The following ACOXL variants were observed in gnomAD, a reference collection of about 807,000 sequenced individuals.
ACOXL encodes the protein acyl-CoA oxidase like.
In ACOXL, 70 loss-of-function variants were observed where a neutral mutation model predicts 71.9. The observed-to-expected ratio is 0.97, with a 90% CI of 0.80 to 1.19. The LOEUF (loss-of-function observed/expected upper bound fraction) is 1.19, where lower values mean the gene tolerates loss of function less well. ACOXL is among the 50% of genes most tolerant of loss of function. ACOXL has a pLI of 0.00. For missense variants in ACOXL, 703 were observed against 736.3 expected (o/e 0.95, Z 0.52); for synonymous variants, 253 against 281.6 (o/e 0.90, Z 1.02).
chr2:110,918,949 TTGG>T (rs2059964213), intron 11 of ACOXL, among the ~76,000 whole-genome samples: 1 of 152,174 alleles, frequency 6.6e-6, no homozygotes, highest in Non-Finnish European at 1.5e-5. Context: ...TTTTACACTG[TTGG>T]TGGGAGTGTA....
At chr2:110,791,647 C>T (rs913463120) in intron 3 of ACOXL, among the ~76,000 whole-genome samples, 4 of 152,106 alleles carry the variant, frequency 2.6e-5, no homozygotes, top group African/African-American at 9.7e-5. Context: ...TTATGATTCT[C>T]CAAATGAAAA....
chr2:111,099,793 G>A (rs1348075243), intron 17 of ACOXL: 2 of 152,168 alleles, frequency 1.3e-5, no homozygotes, highest in African/African-American at 4.8e-5. Context: ...GCATTAGTGA[G>A]TAGCTATCAG....
intron 10 of ACOXL, among the ~76,000 whole-genome samples, chr2:110,899,956 C>A (rs2059161364): frequency 1.3e-5 from 2 of 152,208 alleles, no homozygotes; most frequent in South Asian, 4.1e-4. Context: ...CCTGTCCACA[C>A]CACTTTCCTA....
At chr2:110,968,354 C>T (rs767766788) in intron 12 of ACOXL, 9 of 1,150,052 alleles carry the variant, frequency 7.8e-6, no homozygotes, top group Non-Finnish European at 1.2e-5. Context: ...TCATCTGTCT[C>T]TCATAGTACC....
intron 1 of ACOXL, among the ~76,000 whole-genome samples, chr2:110,753,446 T>C (rs865846475): frequency 6.6e-6 from 1 of 152,232 alleles, no homozygotes; most frequent in Non-Finnish European, 1.5e-5. Context: ...ATAAGGCTAC[T>C]TGAGTGTCCT....
intron 12 of ACOXL, among the ~76,000 whole-genome samples, chr2:110,980,496 G>T (rs1249399996): frequency 6.6e-6 from 1 of 152,194 alleles, no homozygotes; most frequent in Non-Finnish European, 1.5e-5. Flanking sequence ...CCTGTCTATT[G>T]TGGCACAGCA....
intron 1 of ACOXL, among the ~76,000 whole-genome samples, chr2:110,736,909 T>C (rs55849112): frequency 0.043 from 6,565 of 152,288 alleles, 211 homozygotes; most frequent in African/African-American, 0.074. Context: ...CGTGAGTCAC[T>C]GTGCCTGGCC....
At chr2:111,099,008 C>G (rs963426168) in intron 17 of ACOXL, 2 of 152,172 alleles carry the variant, frequency 1.3e-5, no homozygotes, top group African/African-American at 4.8e-5. Flanking sequence ...CATTAAATGA[C>G]TGTCGAAGAT....
chr2:110,788,516 A>G (rs186937273), intron 3 of ACOXL, among the ~76,000 whole-genome samples: 159 of 152,308 alleles, frequency 1.0e-3, no homozygotes, highest in African/African-American at 3.5e-3. Flanking sequence ...TAATGGGTAC[A>G]GAGTTTTTTT....
intron 17 of ACOXL, among the ~76,000 whole-genome samples, chr2:111,107,022 G>C (rs1048084234): frequency 6.6e-6 from 1 of 152,210 alleles, no homozygotes; most frequent in Non-Finnish European, 1.5e-5. Flanking sequence ...TCCAGGTTGA[G>C]GTGGAGGTAC....
intron 9 of ACOXL, among the ~76,000 whole-genome samples, chr2:110,826,091 AAATT>A (rs1689131558): frequency 6.6e-6 from 1 of 152,222 alleles, no homozygotes; most frequent in Non-Finnish European, 1.5e-5. Context: ...GCCTGTTTCC[AAATT>A]AATTTTCTAT....
At chr2:110,871,259 A>G (rs550913872) in intron 10 of ACOXL, among the ~76,000 whole-genome samples, 84 of 152,184 alleles carry the variant, frequency 5.5e-4, no homozygotes, top group African/African-American at 2.0e-3. Flanking sequence ...AGTCTGGGGA[A>G]GGTCTCCAGT....
intron 12 of ACOXL, among the ~76,000 whole-genome samples, chr2:110,953,995 C>T (rs777807578): frequency 2.0e-5 from 3 of 152,238 alleles, no homozygotes; most frequent in Non-Finnish European, 4.4e-5. Flanking sequence ...CAGATCCAAA[C>T]TATGTCAGTG....
chr2:110,798,381 C>T (rs375030855), intron 5 of ACOXL, among the ~76,000 whole-genome samples: 13 of 151,954 alleles, frequency 8.6e-5, no homozygotes, highest in Admixed American at 2.6e-4. Context: ...CTCAGCCTCC[C>T]GAGTAGCTGG....
chr2:111,097,307 C>A (rs1276964487), intron 17 of ACOXL, among the ~76,000 whole-genome samples: 1 of 152,122 alleles, frequency 6.6e-6, no homozygotes, highest in Non-Finnish European at 1.5e-5. Flanking sequence ...CCACAACAAC[C>A]CGGTGAAAAA....
At chr2:110,952,763 CTACTTTCTTT>C (rs1454220154) in intron 12 of ACOXL, among the ~76,000 whole-genome samples, 2 of 152,106 alleles carry the variant, frequency 1.3e-5, no homozygotes, top group Non-Finnish European at 2.9e-5. Context: ...TTATTTTCTT[CTACTTTCTTT>C]GGGTTTATTC....
In ACOXL at chr2:110,738,396, G is replaced by T. The variant is rs1425813491; in HGVS notation, c.-23+5622G>T. 2.6e-5 allele frequency among the ~76,000 whole-genome samples: 4 copies of T among 152,182 alleles called. No homozygotes were observed. The East Asian group carries it at 7.7e-4, about 29-fold the overall frequency. ...AATAGCTTCCTAAGAGAGGGTACCTGGGAATTAACTTTTCGAGATTTTTAA... is the reference window on the plus strand; with the variant it reads ...AATAGCTTCCTAAGAGAGGGTACCTTGGAATTAACTTTTCGAGATTTTTAA... On this transcript the variant is annotated intron_variant, in intron 1 of 17. Transcript: ENST00000439055.
intron 5 of ACOXL, among the ~76,000 whole-genome samples, chr2:110,794,659 T>C (rs192009882): frequency 9.2e-5 from 14 of 152,256 alleles, no homozygotes; most frequent in Admixed American, 2.6e-4. Context: ...GCACTGACAT[T>C]TTACATGACA....
At chr2:110,794,431 G>T (rs1685036963) in intron 5 of ACOXL, among the ~76,000 whole-genome samples, 2 of 152,220 alleles carry the variant, frequency 1.3e-5, no homozygotes, top group South Asian at 2.1e-4. Context: ...CAAGCACTTT[G>T]TGTGCACTTG....
Sources: gnomAD v4.1 joint callset for allele counts (sites outside exome capture counted in the v4.1 genomes callset) on GRCh38, gnomAD v4.1.1 for gene constraint, MANE v1.5 for transcripts, NCBI Gene and HGNC (gene_info 2026-07-23, HGNC 2026-07-21) for gene names.